The following DNAAF1 variants were observed in gnomAD, a reference collection of about 807,000 sequenced individuals.
The protein encoded by DNAAF1 is dynein assembly factor 1, axonemal.
In DNAAF1, 65 loss-of-function variants were observed where a neutral mutation model predicts 71.1. The ratio of observed to expected loss-of-function variants is 0.91; its 90% CI spans 0.75 to 1.12. The LOEUF is 1.12. DNAAF1 is among the 50% of genes most tolerant of loss of function. DNAAF1 has a pLI of 0.00. For synonymous variants in DNAAF1, 414 were observed against 354.6 expected, an observed-to-expected ratio of 1.17 and a Z score of -1.88; for missense variants, 1,178 against 899.8, an observed-to-expected ratio of 1.31 and a Z score of -3.96.
chr16:84,172,709 C>T, intron 9 of DNAAF1: 1 of 1,192,098 alleles, frequency 8.4e-7, no homozygotes, highest in Admixed American at 3.7e-5. Flanking sequence ...GTGGTTCTGA[C>T]TAGTTGCCTT....
intron 10 of DNAAF1, 67 bp from the exon 11 acceptor site, chr16:84,175,866 T>C: frequency 1.3e-6 from 2 of 1,570,470 alleles, no homozygotes; most frequent in Non-Finnish European, 1.7e-6. Flanking sequence ...AGAACTGGCA[T>C]GGTGCATTGT....
In DNAAF1 at chr16:84,164,185, C is replaced by T. The variant is rs531880270; in HGVS notation, c.864-1598C>T. Among the ~76,000 whole-genome samples the T allele has an allele frequency of 5.3e-5, 8 of 151,190 alleles. No individual in the cohort carries two copies. The East Asian group carries it at 1.6e-3, about 30-fold the overall frequency. The stretch of plus-strand genomic sequence containing the variant: ...AGAGAGTTTCCATATACCACCCGCC[C>T]TCACTGTTTCCCCTATTTGTAACGT... On this transcript the variant is annotated intron_variant, in intron 6 of 11. Coordinates refer to ENST00000378553, the MANE Select transcript of DNAAF1 (RefSeq NM_178452.6).
intron 1 of DNAAF1, 120 bp downstream of exon 1, chr16:84,145,684 G>C: frequency 7.7e-7 from 1 of 1,295,326 alleles, no homozygotes; most frequent in Non-Finnish European, 1.0e-6. Context: ...AATAATAATG[G>C]TAGCAAGCAA....
chr16:84,177,697 G>A (rs1420269156), intron 11 of DNAAF1, 32 bp from the exon 12 acceptor site: 6 of 1,585,268 alleles, frequency 3.8e-6, no homozygotes, highest in Admixed American at 1.7e-5. Context: ...ACAGTGACAG[G>A]GAGAAAGCAC....
Position 84,165,920 on chromosome 16 carries a change from G to A in DNAAF1, c.1001G>A (p.Arg334Lys). Residue 334 changes from arginine (R) to lysine (K), a missense_variant, in exon 7 of 12, where the codon AGG (arginine) becomes AAG (lysine). Coordinates refer to ENST00000378553, the MANE Select transcript of DNAAF1 (RefSeq NM_178452.6). Reference protein sequence around the residue: ...LAMIKQRAEERKRQRESQERG... With the variant: ...LAMIKQRAEEKKRQRESQERG... ...ATGATCAAGCAGCGGGCAGAGGAGA[G>A]GAAAAGACAGAGAGAGAGTCAAGAG... The A allele has an allele frequency of 6.2e-7, 1 of 1,613,290 alleles. No homozygotes were observed. The highest frequency in any genetic ancestry group is 8.5e-7 in the Non-Finnish European group (1 of 1,179,900).
chr16:84,174,134 G>A (rs185261874), intron 9 of DNAAF1: 1 of 975,040 alleles, frequency 1.0e-6, no homozygotes, highest in Admixed American at 5.4e-5. Context: ...TGGTGGTGGG[G>A]GAGTAACAAC....
At chr16:84,148,666 A>T (rs150186884) in intron 1 of DNAAF1, among the ~76,000 whole-genome samples, 4,851 of 133,262 alleles carry the variant, frequency 0.036, 141 homozygotes, top group Middle Eastern at 0.11. Context: ...TGGTGTGAAC[A>T]CAGCTCACTG....
At chr16:84,175,779 A>T in intron 10 of DNAAF1, 154 bp from the exon 11 acceptor site, 1 of 969,826 alleles carries the variant, frequency 1.0e-6, no homozygotes, top group Non-Finnish European at 1.6e-6. Flanking sequence ...CCCAGGCCTA[A>T]CTTTCAGAGT....
chr16:84,165,014 T>A (rs1310293546), intron 6 of DNAAF1, among the ~76,000 whole-genome samples: 2 of 152,246 alleles, frequency 1.3e-5, no homozygotes, highest in Non-Finnish European at 2.9e-5. Flanking sequence ...GGACACGTGA[T>A]GTGGAGCATC....
chr16:84,149,907 C>A (rs1202850778), intron 2 of DNAAF1, among the ~76,000 whole-genome samples: 1 of 151,722 alleles, frequency 6.6e-6, no homozygotes, highest in Non-Finnish European at 1.5e-5. Context: ...TGCCTGTAAT[C>A]CCAGCTACTC....
At chr16:84,146,494 G>C (rs181330022) in intron 1 of DNAAF1, among the ~76,000 whole-genome samples, 81 of 152,160 alleles carry the variant, frequency 5.3e-4, no homozygotes, top group African/African-American at 1.9e-3. Flanking sequence ...AGGCAGGTGG[G>C]TCACCTGAAG....
chr16:84,177,543 G>T (rs755616705), intron 11 of DNAAF1, 186 bp from the exon 12 acceptor site: 2 of 590,964 alleles, frequency 3.4e-6, no homozygotes, highest in Non-Finnish European at 3.1e-6. Flanking sequence ...TGACCAGGCT[G>T]GTCTCGAACT....
Position 84,154,743 on chromosome 16 carries a change from G to A in DNAAF1, c.519G>A (p.Gln173=), listed in dbSNP as rs1365332109. 5.6e-6 allele frequency: 9 copies of A among 1,614,038 alleles called. No individual in the cohort carries two copies. The highest frequency in any genetic ancestry group is 7.6e-6 in the Non-Finnish European group (9 of 1,180,036). The change falls in exon 4 of 12, where the codon CAG becomes CAA. Residue 173 remains glutamine, a synonymous_variant. Coordinates refer to ENST00000378553, the MANE Select transcript of DNAAF1 (RefSeq NM_178452.6). ...LRKIENLEPL[Q]KLDALNLSNN... ...AAATTGAGAACCTGGAACCTCTGCAGAAACTGGATGCTCTTAACCTCAGCA... is the reference window on the plus strand; with the variant it reads ...AAATTGAGAACCTGGAACCTCTGCAAAAACTGGATGCTCTTAACCTCAGCA...
chr16:84,168,425 G>A (rs2151260173), intron 7 of DNAAF1, among the ~76,000 whole-genome samples: 1 of 152,276 alleles, frequency 6.6e-6, no homozygotes, highest in African/African-American at 2.4e-5. Flanking sequence ...ATTAAGGTGT[G>A]AACACCTTTG....
Position 84,151,909 on chromosome 16 carries a change from C to G in DNAAF1, c.352+1567C>G, listed in dbSNP as rs114202379. ...AAGTTACCCAAGAAAGGAAGCAAGG[C>G]CAAGACAAAAGTGGAGGTGACACTT... On this transcript the variant is annotated intron_variant, in intron 3 of 11. Coordinates refer to ENST00000378553, the MANE Select transcript of DNAAF1 (RefSeq NM_178452.6). 7.8e-3 allele frequency among the ~76,000 whole-genome samples: 1,182 copies of G among 152,294 alleles called. 16 individuals carry two copies. The highest frequency in any genetic ancestry group is 0.027 in the African/African-American group (1,114 of 41,550).
At chr16:84,176,390 G>A in intron 11 of DNAAF1, 91 bp downstream of exon 11, 1 of 1,584,094 alleles carries the variant, frequency 6.3e-7, no homozygotes. Context: ...GCCTTACCCT[G>A]AGCTTTCATG....
rs1391195205 is a variant in DNAAF1, at chr16:84,145,484, A to G, written c.44A>G (p.Glu15Gly). The G allele has an allele frequency of 1.3e-5, 21 of 1,575,120 alleles. No homozygotes were observed. Among genetic ancestry groups the G allele is most frequent in the Non-Finnish European group, 1.8e-5 (21 of 1,160,596 alleles). Residue 15 changes from glutamate to glycine, a missense_variant, in exon 1 of 12, where the codon GAG becomes GGG. Coordinates refer to ENST00000378553, the MANE Select transcript of DNAAF1 (RefSeq NM_178452.6). ...GAGCCTGCGACAGGTGGTGCAGCAGAGCTGGATTGCGCGCAGGAGCCCGGC... is the reference window on the plus strand; with the variant it reads ...GAGCCTGCGACAGGTGGTGCAGCAGGGCTGGATTGCGCGCAGGAGCCCGGC... ...PSEPATGGAAELDCAQEPGVE... is the reference protein window; with the variant it reads ...PSEPATGGAAGLDCAQEPGVE...
chr16:84,158,502 G>C (rs894052877), intron 5 of DNAAF1, among the ~76,000 whole-genome samples: 1 of 152,176 alleles, frequency 6.6e-6, no homozygotes, highest in African/African-American at 2.4e-5. Flanking sequence ...CACATTCTGA[G>C]GTGCTGAGGG....
In DNAAF1 at chr16:84,156,854, T is replaced by TC. The variant is rs1239138759; in HGVS notation, c.741+1105_741+1106insC. Among the ~76,000 whole-genome samples the TC allele has an allele frequency of 2.5e-4, 35 of 140,514 alleles. No homozygotes were observed. In the East Asian group the frequency reaches 2.8e-3, roughly 11 times the overall value. The allele number at this position is 140,514 out of a possible 152,430, so 92.2% of individuals were successfully genotyped here. A position where few individuals can be genotyped will look rare whatever the true frequency, so the allele number is the denominator to read the frequency against. ...CTTTCCTTTTCTTTCTTTCTTTCTT[T>TC]TTTTTTTTTTTTTTTTGAGACAGGG... On this transcript the variant is annotated intron_variant, in intron 5 of 11. Coordinates refer to ENST00000378553, the MANE Select transcript of DNAAF1 (RefSeq NM_178452.6).
Sources: allele counts gnomAD v4.1 joint callset (sites outside exome capture counted in the v4.1 genomes callset), GRCh38; gene constraint gnomAD v4.1.1; transcripts MANE v1.5; gene names NCBI Gene and HGNC (gene_info 2026-07-23, HGNC 2026-07-21).